TRIM71: variants seen among roughly 807,000 people sequenced by gnomAD.
TRIM71 encodes tripartite motif containing 71, also known as E3 ubiquitin-protein ligase TRIM71.
Under a neutral mutation model 61.2 loss-of-function variants are expected in TRIM71, and 9 were observed. The observed-to-expected ratio is 0.15, with a 90% CI of 0.09 to 0.26. The LOEUF is 0.26. TRIM71 is among the 10% of genes least tolerant of loss of function. The pLI, the probability that TRIM71 is intolerant of heterozygous loss-of-function variation, is 1.00. For missense variants in TRIM71, 998 were observed against 1,238.7 expected (o/e 0.81, Z 2.92); for synonymous variants, 645 against 553.2 (o/e 1.17, Z -2.33).
chr3:32,856,269 G>A (rs1487834592), intron 1 of TRIM71, among the ~76,000 whole-genome samples: 5 of 151,978 alleles, frequency 3.3e-5, no homozygotes, highest in Admixed American at 2.6e-4. Flanking sequence ...CGCCTGCCTC[G>A]GCCTCCCAAA....
intron 1 of TRIM71, among the ~76,000 whole-genome samples, chr3:32,857,947 G>A (rs139663771): frequency 6.6e-6 from 1 of 152,124 alleles, no homozygotes; most frequent in Non-Finnish European, 1.5e-5. Context: ...CTCTAGCCTG[G>A]GTGATAGAGT....
chr3:32,819,733 G>A (rs1188388722), intron 1 of TRIM71, among the ~76,000 whole-genome samples: 2 of 152,292 alleles, frequency 1.3e-5, no homozygotes, highest in African/African-American at 4.8e-5. Flanking sequence ...ACCAGCCTGA[G>A]TCTCTTGGGC....
intron 1 of TRIM71, among the ~76,000 whole-genome samples, chr3:32,864,590 C>A (rs1190364110): frequency 6.6e-6 from 1 of 152,206 alleles, no homozygotes; most frequent in East Asian, 1.9e-4. Context: ...ATTCGAGATC[C>A]CCTGCTTTGA....
rs542066421 is a variant in TRIM71 at position 32,819,014 on chromosome 3, G to A, written c.852+82G>A. ...AGCGTTTCCCGGCCGGTCCCACAGC[G>A]AGGGGAGGAGGCCCTCTCCGGATTT... On this transcript the variant is annotated intron_variant, in intron 1 of 3. Transcript: ENST00000383763. 1.1e-5 allele frequency: 16 copies of A among 1,463,378 alleles called. No individual in the cohort carries two copies. The African/African-American group carries it at 2.0e-4, about 18-fold the overall frequency. 90.6% of individuals were successfully genotyped at this position (1,463,378 alleles called of 1,614,324 possible). A position where few individuals can be genotyped will look rare whatever the true frequency, so the allele number is the denominator to read the frequency against.
Position 32,872,558 on chromosome 3 carries a change from A to G in TRIM71, c.853-1260A>G, listed in dbSNP as rs548157397. On this transcript the variant is annotated intron_variant, in intron 1 of 3. Transcript: ENST00000383763. ...AGCCTTCTCCCCATCTCTGTCTCCC[A>G]CAACACTCTGCCTTGCTTCTCACCA... Among the ~76,000 whole-genome samples the G allele has an allele frequency of 5.3e-5, 8 of 152,282 alleles. No homozygotes were observed. In the South Asian group the frequency reaches 6.2e-4, roughly 12 times the overall value.
At chr3:32,826,775 TGAGACG>T (rs980340452) in intron 1 of TRIM71, among the ~76,000 whole-genome samples, 1 of 151,584 alleles carries the variant, frequency 6.6e-6, no homozygotes, top group African/African-American at 2.4e-5. Context: ...TTTGTTTTTT[TGAGACG>T]GAGTCTTGCT....
chr3:32,869,919 A>T (rs76128626), intron 1 of TRIM71, among the ~76,000 whole-genome samples: 3,813 of 152,238 alleles, frequency 0.025, 173 homozygotes, highest in African/African-American at 0.086. Context: ...GAAGCCCCAA[A>T]CAGGCCCTGG....
At chr3:32,875,708 C>T (rs1173836662) in intron 2 of TRIM71, among the ~76,000 whole-genome samples, 2 of 151,938 alleles carry the variant, frequency 1.3e-5, no homozygotes, top group East Asian at 1.9e-4. Flanking sequence ...GTGTGACACT[C>T]GCCTGTAATC....
At chr3:32,880,726 C>A (rs1696899652) in intron 2 of TRIM71, among the ~76,000 whole-genome samples, 2 of 152,160 alleles carry the variant, frequency 1.3e-5, no homozygotes. Context: ...CATTCTGTTA[C>A]TTTCACTTTG....
intron 1 of TRIM71, among the ~76,000 whole-genome samples, chr3:32,842,401 A>G (rs1408235448): frequency 6.6e-6 from 1 of 152,204 alleles, no homozygotes; most frequent in Non-Finnish European, 1.5e-5. Context: ...AGAGTTCCTG[A>G]AAAAAATTTC....
At chr3:32,834,349 T>C (rs1696308223) in intron 1 of TRIM71, among the ~76,000 whole-genome samples, 1 of 152,218 alleles carries the variant, frequency 6.6e-6, no homozygotes, top group Non-Finnish European at 1.5e-5. Flanking sequence ...TTAAGCCTGT[T>C]GTGCAATAAA....
intron 1 of TRIM71, among the ~76,000 whole-genome samples, chr3:32,824,891 T>C (rs1317179458): frequency 6.6e-6 from 1 of 151,932 alleles, no homozygotes; most frequent in Middle Eastern, 3.2e-3. Context: ...GCCTCCCTGG[T>C]TCAAGCAATT....
intron 1 of TRIM71, among the ~76,000 whole-genome samples, chr3:32,868,857 T>C (rs1236737531): frequency 2.6e-5 from 4 of 152,168 alleles, no homozygotes; most frequent in Non-Finnish European, 5.9e-5. Flanking sequence ...TGGTGAGGAC[T>C]ATGCCTGAAC....
intron 1 of TRIM71, among the ~76,000 whole-genome samples, chr3:32,872,335 G>A (rs1444407166): frequency 6.6e-6 from 1 of 151,882 alleles, no homozygotes; most frequent in Non-Finnish European, 1.5e-5. Context: ...AATTAGCCCC[G>A]AGTGGAGTAA....
At chr3:32,824,592 T>G (rs1696180099) in intron 1 of TRIM71, among the ~76,000 whole-genome samples, 1 of 152,158 alleles carries the variant, frequency 6.6e-6, no homozygotes, top group African/African-American at 2.4e-5. Flanking sequence ...TAAGAGATCC[T>G]CCTGCCTGTG....
Position 32,856,944 on chromosome 3 carries a change from A to G in TRIM71, c.853-16874A>G, listed in dbSNP as rs149341703. On this transcript the variant is annotated intron_variant, in intron 1 of 3. Coordinates refer to ENST00000383763, the MANE Select transcript of TRIM71 (RefSeq NM_001039111.3). ...CCCCGAGAGGAAATGTAGTATCCCC[A>G]TTTATGGGTGAAAACAGCTCAGTGA... Among the ~76,000 whole-genome samples the G allele has an allele frequency of 1.6e-4, 24 of 152,316 alleles. No homozygotes were observed. In the East Asian group the frequency reaches 4.6e-3, roughly 29 times the overall value.
chr3:32,819,530 A>G (rs995276788), intron 1 of TRIM71, among the ~76,000 whole-genome samples: 11 of 152,076 alleles, frequency 7.2e-5, no homozygotes, highest in African/African-American at 2.7e-4. Context: ...TATGTTGGGT[A>G]AGAGTGGGAG....
intron 1 of TRIM71, among the ~76,000 whole-genome samples, chr3:32,860,752 T>A (rs1696657664): frequency 6.6e-6 from 1 of 152,192 alleles, no homozygotes; most frequent in African/African-American, 2.4e-5. Flanking sequence ...TAAAGCAGGC[T>A]GCCTGGCCTG....
At chr3:32,843,170 A>G (rs1696431309) in intron 1 of TRIM71, among the ~76,000 whole-genome samples, 1 of 152,062 alleles carries the variant, frequency 6.6e-6, no homozygotes, top group Non-Finnish European at 1.5e-5. Context: ...TGAGAAATAC[A>G]AGAGGGGCAG....
Sources: allele counts gnomAD v4.1 joint callset (sites outside exome capture counted in the v4.1 genomes callset), GRCh38; gene constraint gnomAD v4.1.1; transcripts MANE v1.5; gene names NCBI Gene and HGNC (gene_info 2026-07-23, HGNC 2026-07-21).